The following AKT3 variants were observed in gnomAD, a reference collection of about 807,000 sequenced individuals.
AKT3 encodes the protein RAC-gamma serine/threonine-protein kinase.
Under a neutral mutation model 65.3 loss-of-function variants are expected in AKT3, and 15 were observed. The ratio of observed to expected loss-of-function variants is 0.23; its 90% confidence interval spans 0.15 to 0.35. The LOEUF is 0.35. AKT3 is among the 10% of genes least tolerant of loss of function. The probability of loss-of-function intolerance (pLI) is 1.00; values close to 1 mark genes in which losing one functional copy is unlikely to be tolerated. For missense variants in AKT3, 243 were observed against 576.5 expected (o/e 0.42, Z 5.92); for synonymous variants, 206 against 183.8 (o/e 1.12, Z -0.98).
chr1:243,754,730 C>T (rs942054028), intron 2 of AKT3, among the ~76,000 whole-genome samples: 1 of 152,156 alleles, frequency 6.6e-6, no homozygotes, highest in Non-Finnish European at 1.5e-5. Flanking sequence ...GTCTGAAGTG[C>T]AACAGTTTCA....
intron 8 of AKT3, among the ~76,000 whole-genome samples, chr1:243,580,348 C>T (rs1359975062): frequency 1.3e-5 from 2 of 152,312 alleles, no homozygotes; most frequent in Admixed American, 1.3e-4. Flanking sequence ...CTTTGTTTCT[C>T]CCAGTCCTGG....
chr1:243,564,970 T>C (rs1376408351), intron 9 of AKT3, among the ~76,000 whole-genome samples: 1 of 152,192 alleles, frequency 6.6e-6, no homozygotes, highest in African/African-American at 2.4e-5. Context: ...ATCAGTCATA[T>C]AAAATATGTT....
chr1:243,824,783 G>A (rs1694070663), intron 2 of AKT3, among the ~76,000 whole-genome samples: 1 of 152,176 alleles, frequency 6.6e-6, no homozygotes, highest in African/African-American at 2.4e-5. Flanking sequence ...TGGAGAAAGA[G>A]GAACACTTTT....
Position 243,850,204 on chromosome 1 carries a change from G to C in AKT3, c.-277C>G, listed in dbSNP as rs1695711362. 6.4e-6 allele frequency: 1 copy of C among 156,146 alleles called. No homozygotes were observed. Among genetic ancestry groups the C allele is most frequent in the Non-Finnish European group, 1.4e-5 (1 of 71,812 alleles). 9.7% of individuals were successfully genotyped at this position (156,146 alleles called of 1,614,324 possible). A position where few individuals can be genotyped will look rare whatever the true frequency, so the allele number is the denominator to read the frequency against. On this transcript the variant is annotated 5_prime_UTR_variant, in exon 1 of 14. Transcript: ENST00000673466. ...ACCCCACAGAGCCTCTGGCCTCCTG[G>C]AGCCCGGTGCGGCCGGCGGGAGGGC...
At chr1:243,801,906 C>T (rs567474629) in intron 2 of AKT3, among the ~76,000 whole-genome samples, 1 of 152,184 alleles carries the variant, frequency 6.6e-6, no homozygotes, top group Non-Finnish European at 1.5e-5. Flanking sequence ...GAAGGCCAAC[C>T]GAAACCCCAA....
intron 2 of AKT3, 76 bp from the exon 3 acceptor site, chr1:243,695,792 C>A (rs1004399002): frequency 2.2e-6 from 3 of 1,357,396 alleles, no homozygotes; most frequent in Non-Finnish European, 1.9e-6. Flanking sequence ...AATTATGGTA[C>A]AATATATGTC....
At chr1:243,491,918 T>G (rs1418581439) in intron 13 of AKT3, among the ~76,000 whole-genome samples, 1 of 152,156 alleles carries the variant, frequency 6.6e-6, no homozygotes, top group Non-Finnish European at 1.5e-5. Context: ...ATTTTGCATG[T>G]CAAACTCTAA....
At chr1:243,538,565 T>C (rs1394337674) in intron 12 of AKT3, among the ~76,000 whole-genome samples, 2 of 152,074 alleles carry the variant, frequency 1.3e-5, no homozygotes, top group Non-Finnish European at 2.9e-5. Flanking sequence ...ATAATTGGCA[T>C]AGGTTAAAGG....
chr1:243,491,068 C>T (rs892098492), intron 13 of AKT3, among the ~76,000 whole-genome samples: 1 of 152,196 alleles, frequency 6.6e-6, no homozygotes. Context: ...GGGAGTCTTC[C>T]GTGGAAGCTG....
chr1:243,552,225 G>C (rs1673122272), intron 11 of AKT3, among the ~76,000 whole-genome samples: 1 of 135,688 alleles, frequency 7.4e-6, no homozygotes, highest in Non-Finnish European at 1.5e-5. Flanking sequence ...GGAAGCAGAG[G>C]TTGCAGTGAG....
intron 2 of AKT3, among the ~76,000 whole-genome samples, chr1:243,778,842 T>G (rs1395914821): frequency 6.6e-6 from 1 of 152,184 alleles, no homozygotes. Context: ...CAAATACAAC[T>G]ATAACATCTT....
At chr1:243,607,928 C>T (rs1677551442) in intron 8 of AKT3, among the ~76,000 whole-genome samples, 1 of 152,176 alleles carries the variant, frequency 6.6e-6, no homozygotes, top group Non-Finnish European at 1.5e-5. Context: ...CTTCCTGTCA[C>T]CATGTGAAGA....
chr1:243,753,008 G>T (rs1688904082), intron 2 of AKT3, among the ~76,000 whole-genome samples: 1 of 152,120 alleles, frequency 6.6e-6, no homozygotes, highest in Non-Finnish European at 1.5e-5. Flanking sequence ...ACATCCTCTT[G>T]TTGTTTCTAC....
At chr1:243,700,816 A>G (rs1299165237) in intron 2 of AKT3, among the ~76,000 whole-genome samples, 3 of 152,080 alleles carry the variant, frequency 2.0e-5, no homozygotes, top group Non-Finnish European at 4.4e-5. Flanking sequence ...TTAGTCTTTA[A>G]TAACAACCTG....
intron 12 of AKT3, among the ~76,000 whole-genome samples, chr1:243,543,403 G>A (rs1162196574): frequency 6.6e-6 from 1 of 152,088 alleles, no homozygotes; most frequent in Non-Finnish European, 1.5e-5. Context: ...TGAATTTACA[G>A]GGCCACATTG....
intron 2 of AKT3, among the ~76,000 whole-genome samples, chr1:243,724,738 G>A (rs962943802): frequency 1.3e-5 from 2 of 152,038 alleles, no homozygotes; most frequent in Non-Finnish European, 2.9e-5. Context: ...TAATTTAAGA[G>A]CTCAGTATCT....
At chr1:243,791,483 A>T (rs1195473872) in intron 2 of AKT3, among the ~76,000 whole-genome samples, 1 of 152,230 alleles carries the variant, frequency 6.6e-6, no homozygotes. Flanking sequence ...CTGATTCATT[A>T]TACCTTTAAA....
chr1:243,670,446 A>G (rs556879805), intron 3 of AKT3, among the ~76,000 whole-genome samples: 12 of 152,212 alleles, frequency 7.9e-5, no homozygotes, highest in African/African-American at 2.9e-4. Context: ...TCAGAAACAC[A>G]TGATTCTTAA....
chr1:243,573,667 A>G (rs1674725146), intron 8 of AKT3, among the ~76,000 whole-genome samples: 1 of 152,182 alleles, frequency 6.6e-6, no homozygotes, highest in African/African-American at 2.4e-5. Flanking sequence ...AACATCCATT[A>G]TTCCTATTGC....
Sources: allele counts gnomAD v4.1 joint callset (sites outside exome capture counted in the v4.1 genomes callset), GRCh38; gene constraint gnomAD v4.1.1; transcripts MANE v1.5; gene names NCBI Gene and HGNC (gene_info 2026-07-23, HGNC 2026-07-21).